Variants in VPS13B observed in about 807,000 individuals in gnomAD.
VPS13B encodes the protein intermembrane lipid transfer protein VPS13B.
A neutral mutation model predicts 426.4 loss-of-function variants in VPS13B; 285 were observed. The observed-to-expected ratio is 0.67, with a 90% CI of 0.61 to 0.74. The LOEUF is 0.74. VPS13B is among the 30% of genes least tolerant of loss of function. The pLI is 0.00. For missense variants in VPS13B, 4,537 were observed against 4,782.6 expected, an observed-to-expected ratio of 0.95 and a Z score of 1.51; for synonymous variants, 1,676 against 1,676.4, an observed-to-expected ratio of 1.00 and a Z score of 0.01.
intron 17 of VPS13B, chr8:99,209,798 A>C: frequency 1.2e-6 from 1 of 858,978 alleles, no homozygotes; most frequent in Non-Finnish European, 1.4e-6. Context: ...GGAAGTCTCA[A>C]AGAGAAATTA....
chr8:99,302,121 C>G (rs753216577), intron 19 of VPS13B, among the ~76,000 whole-genome samples: 8 of 152,154 alleles, frequency 5.3e-5, no homozygotes, highest in Non-Finnish European at 1.2e-4. Flanking sequence ...CGAGGCTGTT[C>G]TGAAGTCATT....
chr8:99,506,342 GTATCAAA>G (rs1177828327), intron 27 of VPS13B, among the ~76,000 whole-genome samples: 1 of 152,126 alleles, frequency 6.6e-6, no homozygotes, highest in Non-Finnish European at 1.5e-5. Flanking sequence ...GTATGTGTCT[GTATCAAA>G]ATGATCTTTG....
intron 55 of VPS13B, among the ~76,000 whole-genome samples, chr8:99,849,942 TATAC>T (rs1189986968): frequency 7.0e-6 from 1 of 142,952 alleles, no homozygotes; most frequent in Non-Finnish European, 1.5e-5. Context: ...TGTATGTACT[TATAC>T]ATACCTACAT....
At chr8:99,138,997 G>A (rs1180219758) in intron 12 of VPS13B, among the ~76,000 whole-genome samples, 1 of 152,148 alleles carries the variant, frequency 6.6e-6, no homozygotes, top group African/African-American at 2.4e-5. Context: ...CTTCTGAGAA[G>A]CCAGTAGTTT....
chr8:99,020,697 C>T (rs895345117), intron 2 of VPS13B, among the ~76,000 whole-genome samples: 2 of 152,162 alleles, frequency 1.3e-5, no homozygotes, highest in African/African-American at 4.8e-5. Context: ...TTGTTGACAT[C>T]TGTACTTTCA....
At chr8:99,516,787 CAAAAAAAA>C (rs528490868) in intron 29 of VPS13B, among the ~76,000 whole-genome samples, 13 of 16,706 alleles carry the variant, frequency 7.8e-4, no homozygotes, top group African/African-American at 3.0e-3. Flanking sequence ...GACCGTGTCT[CAAAAAAAA>C]AAAAAAAAAA....
chr8:99,859,151 G>A (rs189795658), intron 56 of VPS13B, among the ~76,000 whole-genome samples, 153 bp from the exon 57 acceptor site: 1 of 152,212 alleles, frequency 6.6e-6, no homozygotes, highest in African/African-American at 2.4e-5. Context: ...CACAGAGAAT[G>A]ACTTATTTCC....
intron 40 of VPS13B, among the ~76,000 whole-genome samples, chr8:99,767,604 T>A (rs1364616471): frequency 6.6e-6 from 1 of 151,070 alleles, no homozygotes; most frequent in Non-Finnish European, 1.5e-5. Flanking sequence ...TAAAGTTTTA[T>A]CCACCTATAA....
intron 8 of VPS13B, among the ~76,000 whole-genome samples, chr8:99,128,422 A>G (rs1339944411): frequency 3.9e-5 from 5 of 128,136 alleles, no homozygotes; most frequent in Non-Finnish European, 8.2e-5. Context: ...AAAAAAAAAA[A>G]AAAAATTTGT....
chr8:99,639,403 T>G (rs908776188), intron 33 of VPS13B, among the ~76,000 whole-genome samples: 1 of 152,026 alleles, frequency 6.6e-6, no homozygotes, highest in Non-Finnish European at 1.5e-5. Context: ...AGAGGGGCAC[T>G]CCAAGAAAGG....
chr8:99,237,660 G>A (rs945215261), intron 17 of VPS13B, among the ~76,000 whole-genome samples: 2 of 152,130 alleles, frequency 1.3e-5, no homozygotes, highest in Non-Finnish European at 1.5e-5. Flanking sequence ...GATGGTGAGG[G>A]ATAAAAGACT....
chr8:99,167,580 C>A (rs929906803), intron 15 of VPS13B, among the ~76,000 whole-genome samples: 1 of 151,936 alleles, frequency 6.6e-6, no homozygotes, highest in Non-Finnish European at 1.5e-5. Context: ...TAATTTTTGG[C>A]AAAATCTTAC....
chr8:99,337,807 T>C (rs1164099183), intron 19 of VPS13B, among the ~76,000 whole-genome samples: 1 of 152,200 alleles, frequency 6.6e-6, no homozygotes, highest in Admixed American at 6.5e-5. Flanking sequence ...ATCCAGGATA[T>C]CCTTCTATAT....
At chr8:99,458,033 A>T (rs1818588585) in intron 23 of VPS13B, among the ~76,000 whole-genome samples, 1 of 152,052 alleles carries the variant, frequency 6.6e-6, no homozygotes, top group African/African-American at 2.4e-5. Flanking sequence ...GTCATTTAAC[A>T]TTAGTTATAT....
chr8:99,039,097 A>G (rs1842865613), intron 3 of VPS13B, among the ~76,000 whole-genome samples: 1 of 152,220 alleles, frequency 6.6e-6, no homozygotes, highest in Middle Eastern at 3.2e-3. Flanking sequence ...TCATAGCTCT[A>G]CTAGGGACCA....
At chr8:99,502,707 A>T in intron 26 of VPS13B, 129 bp from the exon 27 acceptor site, 1 of 765,112 alleles carries the variant, frequency 1.3e-6, no homozygotes, top group Non-Finnish European at 2.3e-6. Flanking sequence ...TTATTATTCT[A>T]GAAGCTTTTG....
At chr8:99,038,317 G>T in intron 2 of VPS13B, 106 bp from the exon 3 acceptor site, 1 of 932,862 alleles carries the variant, frequency 1.1e-6, no homozygotes, top group Non-Finnish European at 1.6e-6. Flanking sequence ...ATAAGTCTCT[G>T]AATATTCTTG....
chr8:99,868,880 G>C (rs1480962677), intron 59 of VPS13B, among the ~76,000 whole-genome samples: 1 of 152,218 alleles, frequency 6.6e-6, no homozygotes, highest in Non-Finnish European at 1.5e-5. Context: ...GGGTCTTTGG[G>C]TGTGGGTGGC....
intron 35 of VPS13B, chr8:99,697,511 G>C (rs1168019549): frequency 5.4e-6 from 4 of 737,214 alleles, no homozygotes; most frequent in Non-Finnish European, 1.0e-5. Flanking sequence ...GCTCACCAAA[G>C]AGAAGGAGGA....
Sources: allele counts gnomAD v4.1 joint callset (sites outside exome capture counted in the v4.1 genomes callset), GRCh38; gene constraint gnomAD v4.1.1; transcripts MANE v1.5; gene names NCBI Gene and HGNC (gene_info 2026-07-23, HGNC 2026-07-21).